SPAG9: variants seen among roughly 807,000 people sequenced by gnomAD.
SPAG9 encodes the protein sperm associated antigen 9, also known as C-Jun-amino-terminal kinase-interacting protein 4.
A neutral mutation model predicts 166.5 loss-of-function variants in SPAG9; 35 were observed. The ratio of observed to expected loss-of-function variants is 0.21; its 90% CI spans 0.16 to 0.28. The LOEUF is 0.28. SPAG9 is among the 10% of genes least tolerant of loss of function. The pLI, the probability that SPAG9 is intolerant of heterozygous loss-of-function variation, is 1.00. For synonymous variants in SPAG9, 534 were observed against 565.5 expected, an observed-to-expected ratio of 0.94 and a Z score of 0.79; for missense variants, 1,235 against 1,603.3, an observed-to-expected ratio of 0.77 and a Z score of 3.92.
chr17:51,081,910 G>C (rs184750978), intron 1 of SPAG9, among the ~76,000 whole-genome samples: 25 of 152,084 alleles, frequency 1.6e-4, no homozygotes, highest in Non-Finnish European at 3.1e-4. Flanking sequence ...CCCATTCTCT[G>C]ATTCAAGCAT....
chr17:51,107,910 GTC>G (rs967303242), intron 1 of SPAG9, among the ~76,000 whole-genome samples: 1 of 148,798 alleles, frequency 6.7e-6, no homozygotes, highest in Non-Finnish European at 1.5e-5. Flanking sequence ...ATGAGACACT[GTC>G]TCAAAAAAAA....
chr17:51,017,544 G>C (rs974057576), intron 8 of SPAG9, among the ~76,000 whole-genome samples: 1 of 141,742 alleles, frequency 7.1e-6, no homozygotes, highest in African/African-American at 2.5e-5. Context: ...GAGAGAGAGA[G>C]AGAGAGACAG....
chr17:51,099,087 G>A (rs1598179502), intron 1 of SPAG9, among the ~76,000 whole-genome samples: 1 of 132,660 alleles, frequency 7.5e-6, no homozygotes, highest in South Asian at 2.4e-4. Flanking sequence ...GTGACAGAGC[G>A]AGACTCCGTC....
intron 9 of SPAG9, 45 bp downstream of exon 9, chr17:51,014,187 C>T: frequency 6.5e-7 from 1 of 1,533,774 alleles, no homozygotes; most frequent in Non-Finnish European, 8.8e-7. Flanking sequence ...TTTAAAAAAT[C>T]AATTTTAAAA....
chr17:51,009,071 G>A, intron 9 of SPAG9: 1 of 433,768 alleles, frequency 2.3e-6, no homozygotes, highest in East Asian at 7.1e-5. Context: ...GATGAGAACA[G>A]CAGCCAAGAA....
chr17:51,118,132 T>TC (rs2049350047), intron 1 of SPAG9, among the ~76,000 whole-genome samples: 3 of 141,876 alleles, frequency 2.1e-5, no homozygotes, highest in Non-Finnish European at 3.0e-5. Context: ...AGACTCTGTC[T>TC]CAAAAAAAAA....
chr17:51,009,318 A>C (rs2045361764), intron 9 of SPAG9, among the ~76,000 whole-genome samples: 2 of 152,180 alleles, frequency 1.3e-5, no homozygotes, highest in South Asian at 4.1e-4. Flanking sequence ...AAAGGAAAAA[A>C]ATTGAAATGT....
intron 25 of SPAG9, among the ~76,000 whole-genome samples, chr17:50,980,239 CTT>C (rs1352455229): frequency 1.3e-5 from 2 of 151,960 alleles, no homozygotes; most frequent in African/African-American, 2.4e-5. Flanking sequence ...AGTCTTTACT[CTT>C]GTCGCCCAGG....
chr17:51,064,805 ACCGC>A (rs2047614663), intron 2 of SPAG9, among the ~76,000 whole-genome samples: 1 of 152,018 alleles, frequency 6.6e-6, no homozygotes, highest in African/African-American at 2.4e-5. Flanking sequence ...TGTACTAAAA[ACCGC>A]TGAATTGTAC....
intron 9 of SPAG9, among the ~76,000 whole-genome samples, chr17:51,012,836 C>G (rs562391465): frequency 5.9e-5 from 9 of 151,482 alleles, no homozygotes. Flanking sequence ...CAACCTCTGC[C>G]TCCCGGGTTC....
intron 6 of SPAG9, among the ~76,000 whole-genome samples, chr17:51,028,914 A>C (rs2046288565): frequency 6.6e-6 from 1 of 152,184 alleles, no homozygotes; most frequent in South Asian, 2.1e-4. Flanking sequence ...ACTGCAAATG[A>C]CCACTAGCCT....
intron 3 of SPAG9, among the ~76,000 whole-genome samples, chr17:51,050,875 A>G (rs1283205824): frequency 1.3e-5 from 2 of 151,856 alleles, no homozygotes; most frequent in Non-Finnish European, 2.9e-5. Flanking sequence ...CAATTTTCTC[A>G]GGTATGCATA....
At position 51,120,675 on chromosome 17, in the gene SPAG9, G is replaced by C. The variant is rs1365369129; in HGVS notation, c.-19C>G. 6.5e-7 allele frequency: 1 copy of C among 1,545,346 alleles called. No homozygotes were observed. The highest frequency in any genetic ancestry group is 8.7e-7 in the Non-Finnish European group (1 of 1,146,860). On this transcript the variant is annotated 5_prime_UTR_variant, in exon 1 of 30. Transcript: ENST00000262013. The surrounding 1 kb of genome is among the most constrained non-coding windows in gnomAD (Gnocchi z 4.7). ...GCTCCATGGTGGCAAGCGGACGGGC[G>C]GGCGGCCCGGGGCGTCGCCGGCAGA...
intron 28 of SPAG9, among the ~76,000 whole-genome samples, chr17:50,972,471 G>A (rs1197055062): frequency 2.6e-5 from 4 of 152,110 alleles, no homozygotes; most frequent in Non-Finnish European, 5.9e-5. Flanking sequence ...TAAGTTCTAA[G>A]GTAGAATCCT....
At chr17:51,035,617 A>C (rs908807109) in intron 5 of SPAG9, among the ~76,000 whole-genome samples, 2 of 152,210 alleles carry the variant, frequency 1.3e-5, no homozygotes, top group South Asian at 2.1e-4. Flanking sequence ...CATGCTAAGC[A>C]CATCCCCTGA....
intron 1 of SPAG9, among the ~76,000 whole-genome samples, chr17:51,096,054 G>GATATATATATATATATATATAGTGAT (rs1205885218): frequency 1.2e-4 from 16 of 135,626 alleles, no homozygotes; most frequent in African/African-American, 4.4e-4. Flanking sequence ...TATATATAGT[G>GATATATATATATATATATATAGTGAT]ATATATATAT....
intron 6 of SPAG9, among the ~76,000 whole-genome samples, 156 bp from the exon 7 acceptor site, chr17:51,021,521 T>G (rs2045935960): frequency 1.3e-5 from 2 of 152,330 alleles, no homozygotes; most frequent in East Asian, 1.9e-4. Flanking sequence ...AGTACTCTCT[T>G]TAGACCCTCT....
At chr17:51,030,042 A>G (rs2046328076) in intron 6 of SPAG9, among the ~76,000 whole-genome samples, 1 of 152,186 alleles carries the variant, frequency 6.6e-6, no homozygotes, top group Non-Finnish European at 1.5e-5. Context: ...ACTGCAGTAA[A>G]AGCAATCTGG....
In SPAG9 at chr17:51,050,268, G is replaced by A. The variant is rs139584999; in HGVS notation, c.496-2799C>T. 1.3e-3 allele frequency among the ~76,000 whole-genome samples: 202 copies of A among 152,156 alleles called. 1 individual carries two copies. Among genetic ancestry groups the A allele is most frequent in the African/African-American group, 4.6e-3 (192 of 41,512 alleles). On this transcript the variant is annotated intron_variant, in intron 3 of 29. Coordinates refer to ENST00000262013, the MANE Select transcript of SPAG9 (RefSeq NM_001130528.3). ...AACTGACAACCAAAAATGACTGAGG[G>A]GGAAAAGAAAAGAGAGAACAATAAC... is the stretch of plus-strand genomic sequence containing the variant.
Sources: gnomAD v4.1 joint callset for allele counts (sites outside exome capture counted in the v4.1 genomes callset) on GRCh38, gnomAD v4.1.1 for gene constraint, Gnocchi (gnomAD v3.1) non-coding constraint, MANE v1.5 for transcripts, NCBI Gene and HGNC (gene_info 2026-07-23, HGNC 2026-07-21) for gene names.